Variants in CNTLN observed in about 807,000 individuals in gnomAD.
The protein encoded by CNTLN is centlein, centrosomal protein.
A neutral mutation model predicts 180.0 loss-of-function variants in CNTLN; 212 were observed. The observed-to-expected ratio is 1.18, with a 90% CI of 1.05 to 1.32. The LOEUF (loss-of-function observed/expected upper bound fraction) is 1.32. Ranked by LOEUF, CNTLN falls within the 40% of genes most tolerant of loss-of-function variation. The pLI is 0.00. For synonymous variants in CNTLN, 722 were observed against 563.1 expected, an observed-to-expected ratio of 1.28 and a Z score of -3.99; for missense variants, 2,095 against 1,610.9, an observed-to-expected ratio of 1.30 and a Z score of -5.14.
At chr9:17,401,272 CTG>C (rs1826953069) in intron 15 of CNTLN, among the ~76,000 whole-genome samples, 1 of 152,076 alleles carries the variant, frequency 6.6e-6, no homozygotes, top group South Asian at 2.1e-4. Context: ...ACATAGCAGA[CTG>C]TGAAGAATAA....
intron 5 of CNTLN, among the ~76,000 whole-genome samples, chr9:17,263,950 G>C (rs1827205785): frequency 7.0e-6 from 1 of 142,974 alleles, no homozygotes. Flanking sequence ...TTAGCCCTTT[G>C]TCAGATGAGT....
At chr9:17,428,345 A>G (rs1488806702) in intron 18 of CNTLN, among the ~76,000 whole-genome samples, 2 of 152,178 alleles carry the variant, frequency 1.3e-5, no homozygotes, top group Non-Finnish European at 2.9e-5. Context: ...TACTACGTAC[A>G]GGGCATCTTC....
intron 18 of CNTLN, among the ~76,000 whole-genome samples, chr9:17,450,233 C>A (rs1458104355): frequency 1.3e-5 from 2 of 152,090 alleles, no homozygotes; most frequent in African/African-American, 4.8e-5. Flanking sequence ...CAAAGTAGCA[C>A]CTTAAGTGTC....
intron 2 of CNTLN, among the ~76,000 whole-genome samples, chr9:17,159,637 T>C (rs905038630): frequency 6.6e-6 from 1 of 152,172 alleles, no homozygotes; most frequent in African/African-American, 2.4e-5. Flanking sequence ...GAATTGCTGA[T>C]ATCCTGTTCT....
chr9:17,251,412 C>T (rs1826133199), intron 5 of CNTLN, among the ~76,000 whole-genome samples: 1 of 151,750 alleles, frequency 6.6e-6, no homozygotes, highest in African/African-American at 2.4e-5. Flanking sequence ...GGTGGTGTCC[C>T]ACTGATCACT....
At chr9:17,393,546 C>G (rs1587868971) in intron 14 of CNTLN, among the ~76,000 whole-genome samples, 1 of 152,078 alleles carries the variant, frequency 6.6e-6, no homozygotes, top group African/African-American at 2.4e-5. Context: ...CCAGTTGAAT[C>G]CCAGAAAAGT....
At chr9:17,357,192 C>A (rs1356180885) in intron 12 of CNTLN, among the ~76,000 whole-genome samples, 17 of 151,988 alleles carry the variant, frequency 1.1e-4, no homozygotes, top group Admixed American at 1.1e-3. Context: ...AAGTTCCTTA[C>A]TTTTTAAGGC....
chr9:17,494,107 A>G (rs1339555405), intron 25 of CNTLN, among the ~76,000 whole-genome samples: 1 of 152,236 alleles, frequency 6.6e-6, no homozygotes, highest in Non-Finnish European at 1.5e-5. Context: ...TAAAAAGGAT[A>G]ACCGTTTGAG....
At chr9:17,211,630 A>G (rs956592050) in intron 2 of CNTLN, among the ~76,000 whole-genome samples, 11 of 152,170 alleles carry the variant, frequency 7.2e-5, no homozygotes, top group African/African-American at 2.2e-4. Flanking sequence ...CATTGAATCT[A>G]TAAATTACCT....
At chr9:17,306,866 A>C (rs71504855) in intron 7 of CNTLN, among the ~76,000 whole-genome samples, 5,858 of 152,284 alleles carry the variant, frequency 0.038, 179 homozygotes, top group Non-Finnish European at 0.059. Flanking sequence ...TATTCATTGA[A>C]AAAATGACTA....
intron 3 of CNTLN, among the ~76,000 whole-genome samples, chr9:17,228,076 G>T (rs1824587232): frequency 1.3e-5 from 2 of 151,994 alleles, no homozygotes; most frequent in East Asian, 3.9e-4. Context: ...AAGTTTAGCG[G>T]TCCCTTCCTC....
chr9:17,454,654 G>T (rs1454569039), intron 18 of CNTLN, among the ~76,000 whole-genome samples: 1 of 152,196 alleles, frequency 6.6e-6, no homozygotes, highest in Non-Finnish European at 1.5e-5. Context: ...CAATAATGCT[G>T]CACGTTGAAC....
At chr9:17,356,595 A>G (rs1822870385) in intron 12 of CNTLN, among the ~76,000 whole-genome samples, 1 of 152,148 alleles carries the variant, frequency 6.6e-6, no homozygotes, top group South Asian at 2.1e-4. Flanking sequence ...CTTTTAAACT[A>G]TGGAGTTTTA....
chr9:17,377,642 G>A (rs1304789123), intron 13 of CNTLN, among the ~76,000 whole-genome samples: 1 of 152,170 alleles, frequency 6.6e-6, no homozygotes, highest in Non-Finnish European at 1.5e-5. Context: ...CTAGATGTTT[G>A]AGAATATGAT....
At chr9:17,250,535 T>A (rs913555201) in intron 5 of CNTLN, among the ~76,000 whole-genome samples, 3 of 152,076 alleles carry the variant, frequency 2.0e-5, no homozygotes, top group African/African-American at 4.8e-5. Flanking sequence ...GCTTACCATG[T>A]AGATTGCACA....
chr9:17,503,239 C>A lies in CNTLN; in HGVS notation c.*587C>A, dbSNP rs143859000. 40 of 152,246 alleles carry A rather than the reference C, an allele frequency of 2.6e-4. 1 individual carries two copies. The highest frequency in any genetic ancestry group is 1.2e-3 in the Admixed American group (19 of 15,278). The allele number at this position is 152,246 out of a possible 1,614,324, so 9.4% of individuals were successfully genotyped here. ...TCTTTGGCAAAAACAAAAACATTTT[C>A]TTCTTCTCTCTCTTAACTTCACAAT... On this transcript the variant is annotated 3_prime_UTR_variant, in exon 26 of 26. Transcript: ENST00000380647.
At chr9:17,330,602 A>T in intron 8 of CNTLN, 30 bp from the exon 9 acceptor site, 1 of 1,194,416 alleles carries the variant, frequency 8.4e-7, no homozygotes, top group South Asian at 1.6e-5. Flanking sequence ...AAACATAGAT[A>T]TCTATTTACA....
intron 2 of CNTLN, among the ~76,000 whole-genome samples, chr9:17,203,273 T>C (rs1822678626): frequency 6.6e-6 from 1 of 152,204 alleles, no homozygotes. Flanking sequence ...TTAACATTTT[T>C]TCCTTCATTT....
chr9:17,279,829 T>TTAAGAGGCCGTTGGGTCATGA (rs1563951682), intron 6 of CNTLN, among the ~76,000 whole-genome samples: 40 of 122,254 alleles, frequency 3.3e-4, no homozygotes, highest in Admixed American at 2.9e-3. Context: ...TGTGGGACAT[T>TTAAGAGGCCGTTGGGTCATGA]GGGCTCTGCC....
Sources: gnomAD v4.1 joint callset for allele counts (sites outside exome capture counted in the v4.1 genomes callset) on GRCh38, gnomAD v4.1.1 for gene constraint, MANE v1.5 for transcripts, NCBI Gene and HGNC (gene_info 2026-07-23, HGNC 2026-07-21) for gene names.